Variants in POGZ observed in about 807,000 individuals in gnomAD.
POGZ encodes pogo transposable element derived with ZNF domain, also known as pogo transposable element with ZNF domain.
POGZ carries 17 observed loss-of-function variants against 134.6 expected under a neutral mutation model. The ratio of observed to expected loss-of-function variants is 0.13; its 90% confidence interval spans 0.09 to 0.19. POGZ has a LOEUF of 0.19. POGZ is among the 10% of genes least tolerant of loss of function. POGZ has a pLI of 1.00. For missense variants in POGZ, 1,306 were observed against 1,769.7 expected, an observed-to-expected ratio of 0.74 and a Z score of 4.70; for synonymous variants, 693 against 657.1, an observed-to-expected ratio of 1.05 and a Z score of -0.84.
intron 1 of POGZ, among the ~76,000 whole-genome samples, chr1:151,457,655 G>A (rs369005172): frequency 3.3e-5 from 5 of 152,276 alleles, no homozygotes; most frequent in Non-Finnish European, 5.9e-5. Context: ...GGCCGGGCGC[G>A]GTGGCTGACG....
At chr1:151,429,566 GCCAGTTTATT>G in intron 5 of POGZ, 27 bp downstream of exon 5, 2 of 1,017,236 alleles carry the variant, frequency 2.0e-6, no homozygotes, top group Non-Finnish European at 3.1e-6. Context: ...TCTTCTGGAT[GCCAGTTTATT>G]CCAAATGGAT....
Position 151,411,781 on chromosome 1 carries a change from A to ACAG in POGZ, c.1780-11_1780-10insCTG, listed in dbSNP as rs765635165. 6.2e-7 allele frequency: 1 copy of ACAG among 1,604,910 alleles called. No individual in the cohort carries two copies. The highest frequency in any genetic ancestry group is 1.3e-5 in the African/African-American group (1 of 74,088). On this transcript the variant is annotated splice_polypyrimidine_tract_variant and intron_variant, in intron 11 of 18. Transcript: ENST00000271715. ...AGCGATATTGACACACCTGAGTCAC[A>ACAG]TAGGAGGGAAAATAAGGCTAAGAAT...
chr1:151,445,207 T>G (rs1661095988), intron 1 of POGZ, among the ~76,000 whole-genome samples: 1 of 152,026 alleles, frequency 6.6e-6, no homozygotes, highest in South Asian at 2.1e-4. Flanking sequence ...CAATGTAAAT[T>G]AAAAGACTCA....
chr1:151,441,878 TTAAATA>T (rs1434886271), intron 2 of POGZ, among the ~76,000 whole-genome samples, 197 bp downstream of exon 2: 1 of 152,196 alleles, frequency 6.6e-6, no homozygotes, highest in Non-Finnish European at 1.5e-5. Context: ...TTTCGATGAA[TTAAATA>T]TATAGTTTCT....
At chr1:151,448,832 T>C (rs1416574220) in intron 1 of POGZ, among the ~76,000 whole-genome samples, 1 of 152,084 alleles carries the variant, frequency 6.6e-6, no homozygotes, top group Middle Eastern at 3.2e-3. Context: ...GCCACTGCAC[T>C]CCAACCTGGG....
intron 15 of POGZ, 122 bp downstream of exon 15, chr1:151,407,978 C>A (rs1421663906): frequency 4.3e-5 from 32 of 747,558 alleles, no homozygotes; most frequent in Middle Eastern, 8.0e-4. Context: ...TGCTATTGCA[C>A]TCCAGCCTAG....
chr1:151,408,193 G>C lies in POGZ; in HGVS notation c.2282C>G (p.Pro761Arg). The C allele has an allele frequency of 6.2e-7, 1 of 1,613,522 alleles. No individual in the cohort carries two copies. Among genetic ancestry groups the C allele is most frequent in the Non-Finnish European group, 8.5e-7 (1 of 1,179,714 alleles). ...QTCLECSFEIPDFPNHFPTYV... is the reference protein window; with the variant it reads ...QTCLECSFEIRDFPNHFPTYV... Reference sequence around the variant, plus strand: ...AGTAGGGAAATGATTAGGGAAGTCTGGGATCTCGAAGCTGCACTCCAGGCA... The same window carrying C: ...AGTAGGGAAATGATTAGGGAAGTCTCGGATCTCGAAGCTGCACTCCAGGCA... Residue 761 changes from proline to arginine, a missense_variant, in exon 15 of 19, where the codon CCA becomes CGA. By Grantham distance (103) the Pro-to-Arg change is moderately radical. Around this residue, in one of 10 missense-constraint regions of POGZ, gnomAD observed 34 missense variants for 95.5 expected, o/e 0.36. Coordinates refer to ENST00000271715, the MANE Select transcript of POGZ (RefSeq NM_015100.4).
At position 151,406,401 on chromosome 1, in the gene POGZ, G is replaced by C. The variant is rs138843201; in HGVS notation, c.2634C>G (p.Ser878=). 382 of 1,570,712 alleles carry C rather than the reference G, an allele frequency of 2.4e-4. 1 individual carries two copies. The African/African-American group carries it at 4.7e-3, about 19-fold the overall frequency. Residue 878 remains serine, a synonymous_variant, in exon 19 of 19, where the codon TCC becomes TCG. Coordinates refer to ENST00000271715, the MANE Select transcript of POGZ (RefSeq NM_015100.4). ...CAGTGGCAGCTTTGTTAGTGGGGAA[G>C]GAAGGAGGAGGGTACATATTCTTCA... ...RNVKNMYPPP[S]FPTNKAATVK...
chr1:151,453,380 G>A (rs1262432121), intron 1 of POGZ, among the ~76,000 whole-genome samples: 7 of 151,908 alleles, frequency 4.6e-5, no homozygotes, highest in Non-Finnish European at 7.4e-5. Context: ...CTTGTTGGTT[G>A]AATTTCTTGA....
At chr1:151,429,448 A>G (rs568022942) in intron 5 of POGZ, 155 bp downstream of exon 5, 3 of 428,522 alleles carry the variant, frequency 7.0e-6, no homozygotes, top group East Asian at 3.6e-5. Flanking sequence ...AAAGGTTAGA[A>G]GCAGATTTTT....
chr1:151,438,985 T>C (rs966174240), intron 3 of POGZ: 14 of 152,126 alleles, frequency 9.2e-5, no homozygotes, highest in African/African-American at 3.1e-4. Flanking sequence ...CTTTAACAGT[T>C]TGAGAGACAC....
intron 1 of POGZ, among the ~76,000 whole-genome samples, chr1:151,442,856 C>T (rs1032451882): frequency 1.3e-5 from 2 of 151,984 alleles, no homozygotes; most frequent in African/African-American, 4.8e-5. Flanking sequence ...TGGTGAAACC[C>T]CATCTCTACT....
In POGZ at chr1:151,428,159, G is replaced by C; in HGVS notation, c.823C>G (p.Pro275Ala). 1 of 1,614,196 alleles carries C rather than the reference G, an allele frequency of 6.2e-7. No individual in the cohort carries two copies. Among genetic ancestry groups the C allele is most frequent in the African/African-American group, 1.3e-5 (1 of 75,026 alleles). The change falls in exon 6 of 19, where the codon CCA becomes GCA. Residue 275 changes from proline to alanine, a missense_variant. Transcript: ENST00000271715. Reference protein sequence around the residue: ...TSLGQLAVQSPGQSNQTTNPK... With the variant: ...TSLGQLAVQSAGQSNQTTNPK... ...TTCGTGGTCTGGTTTGACTGGCCTG[G>C]AGACTGAACAGCTAGTTGCCCCAGT...
At chr1:151,447,916 C>A (rs1379916290) in intron 1 of POGZ, among the ~76,000 whole-genome samples, 1 of 152,014 alleles carries the variant, frequency 6.6e-6, no homozygotes, top group Non-Finnish European at 1.5e-5. Flanking sequence ...TTGATAAAAT[C>A]TTTGCTGATA....
At chr1:151,419,440 T>A (rs1334127565) in intron 10 of POGZ, among the ~76,000 whole-genome samples, 1 of 151,154 alleles carries the variant, frequency 6.6e-6, no homozygotes, top group Non-Finnish European at 1.5e-5. Flanking sequence ...TCGAGCTCAA[T>A]AATTTGAGAC....
At chr1:151,432,626 C>G (rs189463746) in intron 3 of POGZ, among the ~76,000 whole-genome samples, 2 of 152,152 alleles carry the variant, frequency 1.3e-5, no homozygotes, top group African/African-American at 4.8e-5. Flanking sequence ...TATGCAACCA[C>G]CACCCTGCTT....
At chr1:151,445,063 T>TA (rs990324651) in intron 1 of POGZ, among the ~76,000 whole-genome samples, 4 of 151,016 alleles carry the variant, frequency 2.6e-5, no homozygotes, top group African/African-American at 7.3e-5. Flanking sequence ...CAAAATAAAA[T>TA]AAAAAACAAA....
At chr1:151,425,839 T>C (rs1657677135) in intron 7 of POGZ, among the ~76,000 whole-genome samples, 1 of 152,356 alleles carries the variant, frequency 6.6e-6, no homozygotes, top group South Asian at 2.1e-4. Flanking sequence ...ATACCTGTTC[T>C]AGTCCCTGCT....
At chr1:151,425,160 TA>T (rs1305996882) in intron 7 of POGZ, 99 bp from the exon 8 acceptor site, 4 of 675,950 alleles carry the variant, frequency 5.9e-6, no homozygotes, top group Non-Finnish European at 2.7e-6. Flanking sequence ...GAGAAGTATA[TA>T]AAAGGGTAAG....
Sources: gnomAD v4.1 joint callset for allele counts (sites outside exome capture counted in the v4.1 genomes callset) on GRCh38, gnomAD v4.1.1 for gene constraint, gnomAD v4.1.1 regional missense constraint, MANE v1.5 for transcripts, NCBI Gene and HGNC (gene_info 2026-07-23, HGNC 2026-07-21) for gene names.